ZNF91: variants seen among roughly 807,000 people sequenced by gnomAD.
ZNF91 encodes zinc finger protein 91, also known as zinc finger protein 91 (HPF7, HTF10).
In ZNF91, 7 loss-of-function variants were observed where a neutral mutation model predicts 12.6. The observed-to-expected ratio is 0.55, with a 90% CI of 0.31 to 1.04. The LOEUF (loss-of-function observed/expected upper bound fraction) is 1.04, where lower values mean the gene tolerates loss of function less well. Ranked by LOEUF, ZNF91 falls within the 50% of genes least tolerant of loss-of-function variation. ZNF91 has a pLI of 0.05. For synonymous variants in ZNF91, 453 were observed against 462.6 expected (o/e 0.98, Z 0.27); for missense variants, 1,217 against 1,385.4 (o/e 0.88, Z 1.93).
downstream of ZNF91, chr19:23,338,139 G>C (rs767987988): frequency 6.6e-6 from 1 of 151,928 alleles, no homozygotes; most frequent in Non-Finnish European, 1.5e-5. Flanking sequence ...TACATACACA[G>C]GAAGCTCAGC....
chr19:23,366,242 G>A (rs1016972402), intron 3 of ZNF91, among the ~76,000 whole-genome samples: 10 of 151,658 alleles, frequency 6.6e-5, no homozygotes, highest in Non-Finnish European at 1.3e-4. Context: ...GCCGGGCGGG[G>A]GGCTGACCCC....
intron 3 of ZNF91, among the ~76,000 whole-genome samples, chr19:23,365,953 T>C (rs1968989130): frequency 6.6e-6 from 1 of 152,168 alleles, no homozygotes; most frequent in Admixed American, 6.5e-5. Flanking sequence ...GTGAAAAGTC[T>C]CCCATGTCTA....
At chr19:23,342,225 C>A in intron 3 of ZNF91, 1 of 546,232 alleles carries the variant, frequency 1.8e-6, no homozygotes, top group South Asian at 2.5e-5. Context: ...CTTTTATTTG[C>A]TCAAAGCAGG....
intron 1 of ZNF91, among the ~76,000 whole-genome samples, chr19:23,388,702 T>C (rs1358684499): frequency 6.6e-6 from 1 of 152,036 alleles, no homozygotes; most frequent in Non-Finnish European, 1.5e-5. Flanking sequence ...TGAAACGCCA[T>C]CTCTACTAAA....
At chr19:23,374,388 C>CAAAAAAAAAAAAA in intron 2 of ZNF91, among the ~76,000 whole-genome samples, 1 of 88,228 alleles carries the variant, frequency 1.1e-5, no homozygotes, top group South Asian at 3.7e-4. Flanking sequence ...CTAAAAATAC[C>CAAAAAAAAAAAAA]AAAAAAAAAA....
upstream of ZNF91, among the ~76,000 whole-genome samples, chr19:23,315,358 C>T (rs1223132339): frequency 6.6e-6 from 1 of 152,160 alleles, no homozygotes; most frequent in African/African-American, 2.4e-5. Context: ...TGCTGTTTTA[C>T]CTGGACTCTG....
intron 3 of ZNF91, among the ~76,000 whole-genome samples, chr19:23,350,462 C>T (rs535672094): frequency 6.6e-6 from 1 of 152,286 alleles, no homozygotes; most frequent in Admixed American, 6.5e-5. Flanking sequence ...GCTCCTGCTA[C>T]AATGACACGA....
In ZNF91 at chr19:23,347,119, C is replaced by G. The variant is rs188275410; in HGVS notation, c.254-8065G>C. The stretch of plus-strand genomic sequence containing the variant: ...CTGGCTATGCTATAGTGTCACCCCC[C>G]CTACACACTGTTCAAGCCAATATGC... On this transcript the variant is annotated intron_variant, in intron 3 of 3. Coordinates refer to the ZNF91 transcript ENST00000599743. 2.1e-4 allele frequency among the ~76,000 whole-genome samples: 32 copies of G among 152,180 alleles called. No homozygotes were observed. In the East Asian group the frequency reaches 4.8e-3, roughly 23 times the overall value.
chr19:23,314,326 G>T (rs1967517025), upstream of ZNF91, among the ~76,000 whole-genome samples: 2 of 152,144 alleles, frequency 1.3e-5, no homozygotes, highest in Non-Finnish European at 2.9e-5. Flanking sequence ...GCCCACCTAG[G>T]TAATGTGACT....
At chr19:23,365,805 A>G (rs1968981448) in intron 3 of ZNF91, among the ~76,000 whole-genome samples, 1 of 152,080 alleles carries the variant, frequency 6.6e-6, no homozygotes, top group East Asian at 1.9e-4. Flanking sequence ...TCTGTTTAAC[A>G]AAGCACATCT....
chr19:23,356,025 G>C (rs1568378864), downstream of ZNF91, among the ~76,000 whole-genome samples: 1 of 152,110 alleles, frequency 6.6e-6, no homozygotes, highest in Non-Finnish European at 1.5e-5. Flanking sequence ...GTGGCAATCA[G>C]GGAACACATC....
intron 1 of ZNF91, among the ~76,000 whole-genome samples, chr19:23,384,107 TA>T (rs1227567938): frequency 1.3e-5 from 2 of 151,396 alleles, no homozygotes; most frequent in African/African-American, 2.4e-5. Flanking sequence ...AAACTCCATC[TA>T]AAAAAAAATT....
At chr19:23,350,286 T>G (rs2145026142) in intron 3 of ZNF91, among the ~76,000 whole-genome samples, 1 of 152,266 alleles carries the variant, frequency 6.6e-6, no homozygotes, top group East Asian at 1.9e-4. Flanking sequence ...CCAACAAATC[T>G]TTAAGGAGGG....
intron 3 of ZNF91, among the ~76,000 whole-genome samples, chr19:23,344,325 AC>A (rs1968177946): frequency 1.3e-5 from 2 of 151,920 alleles, no homozygotes; most frequent in Non-Finnish European, 2.9e-5. Flanking sequence ...CGATCTCCTG[AC>A]CTCATGATCC....
At chr19:23,347,613 C>T (rs1968263762) in intron 3 of ZNF91, among the ~76,000 whole-genome samples, 1 of 150,676 alleles carries the variant, frequency 6.6e-6, no homozygotes, top group East Asian at 2.0e-4. Context: ...TCCTCACTCT[C>T]AAACAATCTC....
At chr19:23,315,965 C>T (rs1274395513) in intron 1 of ZNF91, among the ~76,000 whole-genome samples, 1 of 152,110 alleles carries the variant, frequency 6.6e-6, no homozygotes, top group African/African-American at 2.4e-5. Context: ...CCTGCCTTTG[C>T]CCAACATACA....
chr19:23,335,020 T>A (rs1967981008), downstream of ZNF91, among the ~76,000 whole-genome samples: 1 of 152,230 alleles, frequency 6.6e-6, no homozygotes, highest in Non-Finnish European at 1.5e-5. Context: ...CTAGGGTACA[T>A]GTGCATAGCG....
In ZNF91 at chr19:23,373,739, T is replaced by C; in HGVS notation, c.253+3A>G. On this transcript the variant is annotated splice_donor_region_variant and intron_variant, in intron 3 of 3. Coordinates refer to ENST00000300619, the MANE Select transcript of ZNF91 (RefSeq NM_003430.4). ...GTCGTCTGTTGTATTCACTCTCACCTACCTGTGGGTTCATCCACCATCTCA... is the reference window on the plus strand; with the variant it reads ...GTCGTCTGTTGTATTCACTCTCACCCACCTGTGGGTTCATCCACCATCTCA... 1 of 1,607,472 alleles carries C rather than the reference T, an allele frequency of 6.2e-7. No individual in the cohort carries two copies. Among genetic ancestry groups the C allele is most frequent in the Admixed American group, 1.7e-5 (1 of 59,344 alleles).
intron 1 of ZNF91, chr19:23,325,908 C>T (rs1251276221): frequency 6.6e-6 from 1 of 152,164 alleles, no homozygotes; most frequent in Non-Finnish European, 1.5e-5. Context: ...CTCTTCCCTC[C>T]CTGTTGTCTA....
Sources: gnomAD v4.1 joint callset for allele counts (sites outside exome capture counted in the v4.1 genomes callset) on GRCh38, gnomAD v4.1.1 for gene constraint, MANE v1.5 for transcripts, NCBI Gene and HGNC (gene_info 2026-07-23, HGNC 2026-07-21) for gene names.